EXOC4: variants seen among roughly 807,000 people sequenced by gnomAD.
EXOC4 encodes exocyst complex component 4.
In EXOC4, 71 loss-of-function variants were observed where a neutral mutation model predicts 107.2. The ratio of observed to expected loss-of-function variants is 0.66; its 90% CI spans 0.55 to 0.81. The LOEUF is 0.81. Among genes scored for constraint, EXOC4 ranks in the 30% least tolerant of loss-of-function variants. The pLI is 0.00. For missense variants in EXOC4, 1,108 were observed against 1,189.6 expected (o/e 0.93, Z 1.01); for synonymous variants, 456 against 441.2 (o/e 1.03, Z -0.42).
chr7:133,671,740 C>A (rs190180418), intron 10 of EXOC4, among the ~76,000 whole-genome samples: 107 of 152,120 alleles, frequency 7.0e-4, no homozygotes, highest in African/African-American at 2.5e-3. Flanking sequence ...TGAAGATTTG[C>A]CAGTGGGTTT....
At chr7:133,780,148 A>G (rs541942407) in intron 10 of EXOC4, among the ~76,000 whole-genome samples, 1 of 152,276 alleles carries the variant, frequency 6.6e-6, no homozygotes, top group South Asian at 2.1e-4. Flanking sequence ...AGTGGTCACT[A>G]ATAGTTTTTT....
chr7:133,486,263 G>T (rs185916678), intron 9 of EXOC4, among the ~76,000 whole-genome samples: 5 of 152,130 alleles, frequency 3.3e-5, no homozygotes, highest in African/African-American at 1.2e-4. Flanking sequence ...TAATCTCTTC[G>T]GGGGTGTCTT....
At chr7:133,276,162 C>T (rs1169990017) in intron 2 of EXOC4, among the ~76,000 whole-genome samples, 1 of 152,000 alleles carries the variant, frequency 6.6e-6, no homozygotes, top group Admixed American at 6.6e-5. Context: ...CCTTTCTCCC[C>T]TACTTTCTTC....
chr7:134,028,143 T>C (rs1795186221), intron 17 of EXOC4, among the ~76,000 whole-genome samples: 1 of 152,216 alleles, frequency 6.6e-6, no homozygotes, highest in African/African-American at 2.4e-5. Context: ...CCTAAGAGTA[T>C]CATGTTAACC....
At chr7:133,987,373 A>G (rs543239259) in intron 14 of EXOC4, among the ~76,000 whole-genome samples, 1 of 151,440 alleles carries the variant, frequency 6.6e-6, no homozygotes, top group East Asian at 2.0e-4. Context: ...AGGTGGGAGG[A>G]TTGCTGTCTT....
intron 9 of EXOC4, among the ~76,000 whole-genome samples, chr7:133,603,530 A>G (rs1801858263): frequency 6.6e-6 from 1 of 152,234 alleles, no homozygotes; most frequent in Non-Finnish European, 1.5e-5. Flanking sequence ...GATATAGTTT[A>G]TGATATGCCT....
chr7:133,678,684 C>A (rs1431211782), intron 10 of EXOC4, among the ~76,000 whole-genome samples: 1 of 151,898 alleles, frequency 6.6e-6, no homozygotes, highest in Non-Finnish European at 1.5e-5. Flanking sequence ...GAACACAACT[C>A]CCTGTATCCT....
intron 14 of EXOC4, among the ~76,000 whole-genome samples, chr7:133,997,037 C>A (rs1585309739): frequency 6.6e-6 from 1 of 152,160 alleles, no homozygotes; most frequent in East Asian, 1.9e-4. Context: ...ATGGTCAAAT[C>A]TTTCGGAGAT....
intron 12 of EXOC4, among the ~76,000 whole-genome samples, chr7:133,910,333 T>C (rs542024094): frequency 2.6e-4 from 39 of 152,350 alleles, no homozygotes; most frequent in Non-Finnish European, 4.0e-4. Context: ...AGAACTTGTC[T>C]ATTTAAAGGT....
chr7:133,674,171 G>GC (rs1794006347), intron 10 of EXOC4, among the ~76,000 whole-genome samples: 1 of 152,184 alleles, frequency 6.6e-6, no homozygotes, highest in Non-Finnish European at 1.5e-5. Flanking sequence ...AGGATTGATG[G>GC]CTAGAAAGTA....
Position 133,680,837 on chromosome 7 carries a change from T to A in EXOC4, c.1514+50696T>A, listed in dbSNP as rs143704126. Among the ~76,000 whole-genome samples, 97 of 152,344 alleles carry A rather than the reference T, an allele frequency of 6.4e-4. 1 individual carries two copies. The East Asian group carries it at 0.018, about 28-fold the overall frequency. On this transcript the variant is annotated intron_variant, in intron 10 of 17. Transcript: ENST00000253861. ...AAATCATTATAATAAATACCAACAT[T>A]GATCTACTTCTTCCCTCTCCTTTGG... is the stretch of plus-strand genomic sequence containing the variant.
intron 17 of EXOC4, among the ~76,000 whole-genome samples, chr7:134,058,576 T>C (rs1430222439): frequency 6.6e-6 from 1 of 152,224 alleles, no homozygotes; most frequent in Non-Finnish European, 1.5e-5. Flanking sequence ...GAGCACTGAA[T>C]TCCCAGATCA....
In EXOC4 at chr7:133,468,731, G is replaced by A. The variant is rs865800305; in HGVS notation, c.1183-6597G>A. Among the ~76,000 whole-genome samples the A allele has an allele frequency of 2.9e-4, 44 of 152,254 alleles. No homozygotes were observed. The Middle Eastern group carries it at 0.01, about 35-fold the overall frequency. ...CAGAGGAATTCGCCTACTGTGCTCC[G>A]TTGTTTCTTCCAGGGATCATAGCTG... is the stretch of plus-strand genomic sequence containing the variant. On this transcript the variant is annotated intron_variant, in intron 7 of 17. Coordinates refer to ENST00000253861, the MANE Select transcript of EXOC4 (RefSeq NM_021807.4).
intron 17 of EXOC4, among the ~76,000 whole-genome samples, chr7:134,047,743 C>G (rs1342522521): frequency 6.6e-6 from 1 of 152,132 alleles, no homozygotes; most frequent in Non-Finnish European, 1.5e-5. Context: ...TTAAGGTTAT[C>G]AAGCCTTTCT....
At chr7:134,009,151 T>C (rs549554906) in intron 17 of EXOC4, among the ~76,000 whole-genome samples, 1 of 152,302 alleles carries the variant, frequency 6.6e-6, no homozygotes, top group African/African-American at 2.4e-5. Flanking sequence ...TTCCGTAAAC[T>C]CCCTTATTTT....
rs772101936 is a variant in EXOC4 at position 133,997,603 on chromosome 7, G to T, written c.2318G>T (p.Arg773Leu). The part of the protein sequence containing the change: ...LAKSFQDMAD[R>L]CLLVLHLEVR... Reference sequence around the variant, plus strand: ...AAATCGTTCCAGGATATGGCTGACCGCTGCTTGCTTGTCTTACATCTGGAA... The same window carrying T: ...AAATCGTTCCAGGATATGGCTGACCTCTGCTTGCTTGTCTTACATCTGGAA... The change falls in exon 15 of 18, where the codon CGC (arginine) becomes CTC (leucine). Residue 773 changes from arginine (R) to leucine (L), a missense_variant. Arg to Leu is a moderately radical substitution (Grantham distance 102). Coordinates refer to ENST00000253861, the MANE Select transcript of EXOC4 (RefSeq NM_021807.4). 2 of 1,613,424 alleles carry T rather than the reference G, an allele frequency of 1.2e-6. No individual in the cohort carries two copies. Among genetic ancestry groups the T allele is most frequent in the South Asian group, 1.1e-5 (1 of 91,030 alleles).
the EXOC4 span, among the ~76,000 whole-genome samples, chr7:134,100,115 G>A: frequency 1.3e-5 from 2 of 152,096 alleles, no homozygotes; most frequent in East Asian, 3.9e-4. Context: ...TTGCTGATAT[G>A]TCTTTTTGTT....
In EXOC4 at chr7:133,630,065, A is replaced by G. The variant is rs1316865963; in HGVS notation, c.1438A>G (p.Ile480Val). 1.2e-6 allele frequency: 2 copies of G among 1,613,684 alleles called. No homozygotes were observed. Among genetic ancestry groups the G allele is most frequent in the African/African-American group, 1.3e-5 (1 of 74,876 alleles). Residue 480 changes from isoleucine (I) to valine (V), a missense_variant, in exon 10 of 18, where the codon ATT (isoleucine) becomes GTT (valine). Coordinates refer to ENST00000253861, the MANE Select transcript of EXOC4 (RefSeq NM_021807.4). ...GAAAGGGGGTCCTGATGACAACTTA[A>G]TTGAAGGTGGAGGAACAAAATTTGT... The part of the protein sequence containing the change: ...ELQGGPDDNL[I>V]EGGGTKFVCK...
At chr7:133,666,581 A>G (rs1793818608) in intron 10 of EXOC4, among the ~76,000 whole-genome samples, 1 of 152,184 alleles carries the variant, frequency 6.6e-6, no homozygotes, top group Non-Finnish European at 1.5e-5. Context: ...AATGCAGTTT[A>G]TAAGCAACTA....
Sources: allele counts gnomAD v4.1 joint callset (sites outside exome capture counted in the v4.1 genomes callset), GRCh38; gene constraint gnomAD v4.1.1; transcripts MANE v1.5; gene names NCBI Gene and HGNC (gene_info 2026-07-23, HGNC 2026-07-21).